LRRC4C: variants seen among roughly 807,000 people sequenced by gnomAD.
LRRC4C encodes leucine rich repeat containing 4C, also known as leucine-rich repeat-containing protein 4C.
LRRC4C carries 5 observed loss-of-function variants against 33.6 expected under a neutral mutation model. The observed-to-expected ratio is 0.15, with a 90% CI of 0.08 to 0.31. The LOEUF is 0.31. Among genes scored for constraint, LRRC4C ranks in the 10% least tolerant of loss-of-function variants. The pLI is 1.00. For synonymous variants in LRRC4C, 329 were observed against 302.0 expected (o/e 1.09, Z -0.93); for missense variants, 560 against 796.7 (o/e 0.70, Z 3.58).
rs140521723 is a variant in LRRC4C at position 40,802,064 on chromosome 11, C to A, written c.-407+131571G>T. 4.6e-5 allele frequency among the ~76,000 whole-genome samples: 7 copies of A among 152,258 alleles called. No homozygotes were observed. The East Asian group carries it at 1.3e-3, about 29-fold the overall frequency. On this transcript the variant is annotated intron_variant, in intron 2 of 6. Transcript: ENST00000528697. ...TCTGTGCTCACTGAAATAAAAAATA[C>A]CTGTACCTGAGTAAATCAACAAGCT...
intron 3 of LRRC4C, among the ~76,000 whole-genome samples, chr11:40,517,533 A>AC (rs1955612395): frequency 6.6e-6 from 1 of 151,866 alleles, no homozygotes. Flanking sequence ...CAAGAATAAC[A>AC]CCCCCTTTTT....
intron 2 of LRRC4C, among the ~76,000 whole-genome samples, chr11:40,853,294 C>A (rs564754816): frequency 6.6e-6 from 1 of 151,514 alleles, no homozygotes; most frequent in East Asian, 1.9e-4. Flanking sequence ...TCTTTCTATG[C>A]ACAAATATAT....
chr11:40,943,025 T>C (rs1444560493), intron 1 of LRRC4C, among the ~76,000 whole-genome samples: 1 of 152,204 alleles, frequency 6.6e-6, no homozygotes, highest in Non-Finnish European at 1.5e-5. Flanking sequence ...ATAAACCTAC[T>C]TTTCTATCTT....
At chr11:41,155,008 G>T (rs971495254) in intron 1 of LRRC4C, among the ~76,000 whole-genome samples, 1 of 152,086 alleles carries the variant, frequency 6.6e-6, no homozygotes, top group Non-Finnish European at 1.5e-5. Flanking sequence ...GTAAGAAGAG[G>T]TGGCAACAAT....
chr11:41,334,927 G>A (rs760934195), intron 1 of LRRC4C, among the ~76,000 whole-genome samples: 3 of 151,970 alleles, frequency 2.0e-5, no homozygotes, highest in Non-Finnish European at 4.4e-5. Context: ...TTTCTTTCCT[G>A]TCAGAGGATC....
At chr11:40,890,628 T>C (rs1187119457) in intron 2 of LRRC4C, among the ~76,000 whole-genome samples, 1 of 152,132 alleles carries the variant, frequency 6.6e-6, no homozygotes, top group Non-Finnish European at 1.5e-5. Context: ...TTGTCATTGG[T>C]GAGGAGACCA....
chr11:40,607,379 T>A (rs927624672), intron 3 of LRRC4C, among the ~76,000 whole-genome samples: 8 of 152,092 alleles, frequency 5.3e-5, no homozygotes, highest in African/African-American at 1.7e-4. Flanking sequence ...ACAACTTTGG[T>A]CTGCTATGTC....
intron 2 of LRRC4C, among the ~76,000 whole-genome samples, chr11:40,891,820 A>C (rs1375656160): frequency 6.6e-6 from 1 of 152,122 alleles, no homozygotes; most frequent in Non-Finnish European, 1.5e-5. Flanking sequence ...AATTGCTACA[A>C]CCACTGTGGA....
intron 1 of LRRC4C, among the ~76,000 whole-genome samples, chr11:41,416,067 A>G (rs1354090803): frequency 6.6e-6 from 1 of 152,044 alleles, no homozygotes; most frequent in Non-Finnish European, 1.5e-5. Context: ...GGAAGGAGAT[A>G]GGAAGCTGCA....
At chr11:41,227,180 A>T (rs1947579313) in intron 1 of LRRC4C, among the ~76,000 whole-genome samples, 1 of 152,066 alleles carries the variant, frequency 6.6e-6, no homozygotes, top group Non-Finnish European at 1.5e-5. Flanking sequence ...CCTTCCACTT[A>T]CCATATATTG....
chr11:40,242,649 A>T (rs1315509393), intron 4 of LRRC4C, among the ~76,000 whole-genome samples: 3 of 152,230 alleles, frequency 2.0e-5, no homozygotes, highest in Non-Finnish European at 4.4e-5. Context: ...TTTTTATGAC[A>T]TACACAAGTG....
intron 4 of LRRC4C, among the ~76,000 whole-genome samples, chr11:40,253,292 G>A (rs1452466): frequency 0.79 from 119,959 of 152,200 alleles, 50,440 homozygotes; most frequent in East Asian, 0.96. Context: ...CAAAAACGTA[G>A]CACATGCTAA....
At chr11:41,415,682 T>G (rs144358496) in intron 1 of LRRC4C, among the ~76,000 whole-genome samples, 3 of 152,236 alleles carry the variant, frequency 2.0e-5, no homozygotes, top group African/African-American at 7.2e-5. Context: ...GATGTTGGAT[T>G]TTTATGAGAT....
chr11:40,218,691 G>T (rs1311720267), intron 5 of LRRC4C, among the ~76,000 whole-genome samples: 2 of 101,192 alleles, frequency 2.0e-5, no homozygotes, highest in South Asian at 3.3e-4. Context: ...GAATGATAAA[G>T]AATCTATCTA....
intron 1 of LRRC4C, among the ~76,000 whole-genome samples, chr11:41,300,376 G>C (rs934462861): frequency 1.3e-5 from 2 of 152,040 alleles, no homozygotes; most frequent in Non-Finnish European, 2.9e-5. Context: ...CCTTTCCTGG[G>C]CCTACTGTGT....
At chr11:40,739,889 G>A (rs1003544689) in intron 2 of LRRC4C, among the ~76,000 whole-genome samples, 22 of 151,480 alleles carry the variant, frequency 1.5e-4, no homozygotes, top group African/African-American at 4.9e-4. Flanking sequence ...AGACTAATAT[G>A]ATATGTATGT....
intron 5 of LRRC4C, among the ~76,000 whole-genome samples, chr11:40,224,965 AAG>A (rs1413214589): frequency 3.7e-4 from 56 of 152,268 alleles, no homozygotes; most frequent in African/African-American, 1.3e-3. Context: ...CTTAAAATAA[AAG>A]AGTTACTACA....
intron 3 of LRRC4C, among the ~76,000 whole-genome samples, chr11:40,427,851 A>AAAAAC (rs1283637494): frequency 2.0e-5 from 3 of 152,118 alleles, no homozygotes; most frequent in South Asian, 2.1e-4. Context: ...ACCAAACCCA[A>AAAAAC]AAAACAAAAC....
intron 2 of LRRC4C, among the ~76,000 whole-genome samples, chr11:40,656,879 G>A (rs1943148801): frequency 6.6e-6 from 1 of 152,118 alleles, no homozygotes; most frequent in African/African-American, 2.4e-5. Flanking sequence ...GGTAAATTGA[G>A]CATTGTAGAA....
Sources: gnomAD v4.1 joint callset for allele counts (sites outside exome capture counted in the v4.1 genomes callset) on GRCh38, gnomAD v4.1.1 for gene constraint, MANE v1.5 for transcripts, NCBI Gene and HGNC (gene_info 2026-07-23, HGNC 2026-07-21) for gene names.